The following ZNF737 variants were observed in gnomAD, a reference collection of about 807,000 sequenced individuals.
ZNF737 encodes zinc finger protein 737, also known as zinc finger protein 102 (Y3).
A neutral mutation model predicts 11.7 loss-of-function variants in ZNF737; 13 were observed. The ratio of observed to expected loss-of-function variants is 1.11; its 90% CI spans 0.73 to 1.77. The LOEUF is 1.77. ZNF737 is among the 40% of genes most tolerant of loss of function. ZNF737 has a pLI of 0.00. For synonymous variants in ZNF737, 217 were observed against 216.2 expected, an observed-to-expected ratio of 1.00 and a Z score of -0.03; for missense variants, 636 against 638.0, an observed-to-expected ratio of 1.00 and a Z score of 0.03.
chr19:20,558,506 G>GT (rs1169519954), intron 1 of ZNF737, among the ~76,000 whole-genome samples: 130 of 150,988 alleles, frequency 8.6e-4, no homozygotes, highest in African/African-American at 2.6e-3. Context: ...CTGCTGCATA[G>GT]TTTTTTTTTA....
downstream of ZNF737, among the ~76,000 whole-genome samples, chr19:20,531,111 G>A (rs1381660023): frequency 2.9e-3 from 424 of 146,292 alleles, 20 homozygotes; most frequent in Non-Finnish European, 4.8e-3. Flanking sequence ...GCCTGCAATC[G>A]CAGGCACTCG....
Position 20,539,745 on chromosome 19 carries a change from GT to G in ZNF737, c.*4846del. On this transcript the variant is annotated 3_prime_UTR_variant, in exon 4 of 4. Transcript: ENST00000427401. The stretch of plus-strand genomic sequence containing the variant: ...CAGACAATTAGGTATACTTTTTGAA[GT>G]AAGTTCAATTTTAGGACATTACCCA... The G allele has an allele frequency of 1.0e-6, 1 of 985,146 alleles. No individual in the cohort carries two copies. The highest frequency in any genetic ancestry group is 4.7e-5 in the South Asian group (1 of 21,278). 61.0% of individuals were successfully genotyped at this position (985,146 alleles called of 1,614,324 possible).
At chr19:20,564,527 C>T (rs1555763298) in intron 1 of ZNF737, among the ~76,000 whole-genome samples, 1 of 151,998 alleles carries the variant, frequency 6.6e-6, no homozygotes, top group East Asian at 1.9e-4. Flanking sequence ...GTGTCGCGTG[C>T]CCATAGCCCC....
chr19:20,533,236 G>A (rs1236226481), downstream of ZNF737, among the ~76,000 whole-genome samples: 3 of 149,924 alleles, frequency 2.0e-5, 1 homozygote, highest in Admixed American at 2.0e-4. Context: ...GTATATCAGA[G>A]CATTCCTCTA....
In ZNF737 at chr19:20,540,141, A is replaced by G; in HGVS notation, c.*4451T>C. ...GCAGAAATGATGGCAAGATACAAACATTTTTCCCGCCATGTGGCCACCATA... is the reference window on the plus strand; with the variant it reads ...GCAGAAATGATGGCAAGATACAAACGTTTTTCCCGCCATGTGGCCACCATA... On this transcript the variant is annotated 3_prime_UTR_variant, in exon 4 of 4. Coordinates refer to ENST00000427401, the MANE Select transcript of ZNF737 (RefSeq NM_001159293.2). 1.0e-6 allele frequency: 1 copy of G among 985,184 alleles called. No individual in the cohort carries two copies. The highest frequency in any genetic ancestry group is 1.2e-6 in the Non-Finnish European group (1 of 829,892). 61.0% of individuals were successfully genotyped at this position (985,184 alleles called of 1,614,324 possible). A position where few individuals can be genotyped will look rare whatever the true frequency, so the allele number is the denominator to read the frequency against.
Position 20,540,630 on chromosome 19 carries a change from A to T in ZNF737, c.*3962T>A, listed in dbSNP as rs1968162885. ...AAAAATTAGTCAGACGTGGTGGTGC[A>T]TGCCTGTAATCCCAGCTACTTAGGA... On this transcript the variant is annotated 3_prime_UTR_variant, in exon 4 of 4. Coordinates refer to ENST00000427401, the MANE Select transcript of ZNF737 (RefSeq NM_001159293.2). 5.4e-6 allele frequency: 1 copy of T among 185,098 alleles called. No homozygotes were observed. The highest frequency in any genetic ancestry group is 1.9e-4 in the South Asian group (1 of 5,392). The allele number at this position is 185,098 out of a possible 1,614,324, so 11.5% of individuals were successfully genotyped here. A position where few individuals can be genotyped will look rare whatever the true frequency, so the allele number is the denominator to read the frequency against.
rs560229939 is a variant in ZNF737, at chr19:20,543,620, T to C, written c.*972A>G. 2.9e-4 allele frequency: 284 copies of C among 985,544 alleles called. No homozygotes were observed. The African/African-American group carries it at 4.5e-3, about 16-fold the overall frequency. The allele number at this position is 985,544 out of a possible 1,614,324, so 61.0% of individuals were successfully genotyped here. ...AAAAGTTTTGCCACATTCTTCACAC[T>C]TGTAGGAGTTTTGCCAGTATGAATT... On this transcript the variant is annotated 3_prime_UTR_variant, in exon 4 of 4. Transcript: ENST00000427401.
chr19:20,565,465 AGCGTAGCC>A (rs1969261875), intron 1 of ZNF737, among the ~76,000 whole-genome samples, 165 bp downstream of exon 1: 1 of 152,136 alleles, frequency 6.6e-6, no homozygotes, highest in African/African-American at 2.4e-5. Context: ...CCCGGCTGTC[AGCGTAGCC>A]GCCAAATTAT....
chr19:20,531,149 G>A (rs1200221825), downstream of ZNF737, among the ~76,000 whole-genome samples: 1 of 146,338 alleles, frequency 6.8e-6, no homozygotes, highest in Non-Finnish European at 1.5e-5. Context: ...AATCAGGCAG[G>A]GAGGTTGCAG....
Position 20,544,741 on chromosome 19 carries a change from T to C in ZNF737, c.1462A>G (p.Lys488Glu). The C allele has an allele frequency of 6.2e-7, 1 of 1,607,116 alleles. No individual in the cohort carries two copies. Among genetic ancestry groups the C allele is most frequent in the Non-Finnish European group, 8.5e-7 (1 of 1,177,740 alleles). The change falls in exon 4 of 4, where the codon AAG becomes GAG. Residue 488 changes from lysine (K) to glutamate (E), a missense_variant. Transcript: ENST00000427401. ...AGGATAAAGGAGCGCTTAAAAGCCT[T>C]GCCACATCGTTCACATTTGTAGGGT... ...EKPYKCERCG[K>E]AFKRSFILTR...
intron 3 of ZNF737, among the ~76,000 whole-genome samples, chr19:20,551,447 A>AAAAAAAAAAG: frequency 7.6e-6 from 1 of 131,674 alleles, no homozygotes; most frequent in Non-Finnish European, 1.6e-5. Context: ...AAAAAAAAAA[A>AAAAAAAAAAG]AAAGAAAGAA....
In ZNF737 at chr19:20,539,336, G is replaced by A. The variant is rs1364540528; in HGVS notation, c.*5256C>T. The A allele has an allele frequency of 7.1e-6, 7 of 985,052 alleles. No individual in the cohort carries two copies. The highest frequency in any genetic ancestry group is 8.4e-6 in the Non-Finnish European group (7 of 829,822). The allele number at this position is 985,052 out of a possible 1,614,324, so 61.0% of individuals were successfully genotyped here. ...TTCTTCAATTACTTGGAAACCCTGG[G>A]AAGCCCCTATAAAATACTCCCTTTG... is the stretch of plus-strand genomic sequence containing the variant. On this transcript the variant is annotated 3_prime_UTR_variant, in exon 4 of 4. Transcript: ENST00000427401.
rs781998376 is a variant in ZNF737, at chr19:20,545,298, G to T, written c.905C>A (p.Ala302Glu). 6.2e-7 allele frequency: 1 copy of T among 1,612,938 alleles called. No homozygotes were observed. Among genetic ancestry groups the T allele is most frequent in the Non-Finnish European group, 8.5e-7 (1 of 1,179,612 alleles). Residue 302 changes from alanine (A) to glutamate (E), a missense_variant, in exon 4 of 4, where the codon GCG (alanine) becomes GAG (glutamate). Ala to Glu is a moderately radical substitution (Grantham distance 107). Transcript: ENST00000427401. ...CTCTCCGCTATGAATTATCTTATGC[G>T]CAGTAAGGATAGAGGAGCGCTTAAA... ...KAFKRSSILT[A>E]HKIIHSGEKP...
At chr19:20,536,497 A>T (rs1555753874), downstream of ZNF737, among the ~76,000 whole-genome samples, 6 of 152,170 alleles carry the variant, frequency 3.9e-5, no homozygotes, top group African/African-American at 1.4e-4. Context: ...CTAGGAAAGC[A>T]CGTCGTGCTA....
At chr19:20,530,759 G>C in the ZNF737 span, among the ~76,000 whole-genome samples, 9,899 of 147,118 alleles carry the variant, frequency 0.067, 780 homozygotes, top group African/African-American at 0.11. Flanking sequence ...CAGCCAGGCA[G>C]AGGGGCTCCT....
In ZNF737 at chr19:20,538,728, C is replaced by T. The variant is rs782284593; in HGVS notation, c.*5864G>A. 179 of 985,306 alleles carry T rather than the reference C, an allele frequency of 1.8e-4. No individual in the cohort carries two copies. The highest frequency in any genetic ancestry group is 2.1e-4 in the Non-Finnish European group (176 of 829,932). The allele number at this position is 985,306 out of a possible 1,614,324, so 61.0% of individuals were successfully genotyped here. Reference sequence around the variant, plus strand: ...GGAAATGCTGAGTGGAGGCACCACACTGCACATCAATGCTTTCCACATGCA... The same window carrying T: ...GGAAATGCTGAGTGGAGGCACCACATTGCACATCAATGCTTTCCACATGCA... On this transcript the variant is annotated 3_prime_UTR_variant, in exon 4 of 4. Coordinates refer to ENST00000427401, the MANE Select transcript of ZNF737 (RefSeq NM_001159293.2).
chr19:20,548,448 A>G (rs1968534785), intron 3 of ZNF737, among the ~76,000 whole-genome samples: 1 of 152,234 alleles, frequency 6.6e-6, no homozygotes, highest in Non-Finnish European at 1.5e-5. Context: ...TATCTTAAGT[A>G]GTCAAAATCA....
intron 1 of ZNF737, among the ~76,000 whole-genome samples, chr19:20,561,881 G>C (rs113078787): frequency 3.3e-5 from 5 of 152,278 alleles, no homozygotes; most frequent in African/African-American, 1.2e-4. Context: ...ACAGAACTCA[G>C]CAAACCACTG....
chr19:20,532,155 T>C (rs782383495), downstream of ZNF737, among the ~76,000 whole-genome samples: 3 of 150,088 alleles, frequency 2.0e-5, no homozygotes, highest in Non-Finnish European at 4.4e-5. Context: ...GCATGTTGTG[T>C]TCACACCTAC....
Sources: allele counts gnomAD v4.1 joint callset (sites outside exome capture counted in the v4.1 genomes callset), GRCh38; gene constraint gnomAD v4.1.1; transcripts MANE v1.5; gene names NCBI Gene and HGNC (gene_info 2026-07-23, HGNC 2026-07-21).